ROBO2: variants seen among roughly 807,000 people sequenced by gnomAD.
ROBO2 encodes roundabout homolog 2.
ROBO2 carries 53 observed loss-of-function variants against 160.8 expected under a neutral mutation model. The ratio of observed to expected loss-of-function variants is 0.33; its 90% CI spans 0.26 to 0.41. The LOEUF is 0.41. Among genes scored for constraint, ROBO2 ranks in the 10% least tolerant of loss-of-function variants. The pLI is 1.00. For synonymous variants in ROBO2, 664 were observed against 611.7 expected, an observed-to-expected ratio of 1.09 and a Z score of -1.26; for missense variants, 1,577 against 1,722.4, an observed-to-expected ratio of 0.92 and a Z score of 1.49.
intron 1 of ROBO2, among the ~76,000 whole-genome samples, chr3:77,064,887 A>G (rs1260635831): frequency 6.6e-6 from 1 of 152,158 alleles, no homozygotes; most frequent in African/African-American, 2.4e-5. Flanking sequence ...TCATTTTTTC[A>G]TAAGGTTGAT....
intron 2 of ROBO2, among the ~76,000 whole-genome samples, chr3:75,998,900 A>G (rs891097551): frequency 1.3e-4 from 20 of 152,290 alleles, no homozygotes; most frequent in African/African-American, 4.8e-4. Flanking sequence ...TCATACTCAG[A>G]CTTTAATTGT....
intron 2 of ROBO2, among the ~76,000 whole-genome samples, chr3:77,455,615 A>G (rs1427872319): frequency 3.9e-5 from 6 of 152,044 alleles, no homozygotes; most frequent in African/African-American, 1.2e-4. Context: ...TATTTTTAGT[A>G]GAGATGGGGT....
chr3:77,118,086 T>C (rs898998978), intron 2 of ROBO2, among the ~76,000 whole-genome samples: 1 of 152,208 alleles, frequency 6.6e-6, no homozygotes, highest in Non-Finnish European at 1.5e-5. Flanking sequence ...AATGTGGCAA[T>C]ATTACAGGTT....
At chr3:76,642,207 A>G (rs1356294431) in intron 2 of ROBO2, among the ~76,000 whole-genome samples, 2 of 152,148 alleles carry the variant, frequency 1.3e-5, no homozygotes, top group South Asian at 2.1e-4. Context: ...AAGAATAGAG[A>G]GGTTAATAAA....
intron 2 of ROBO2, among the ~76,000 whole-genome samples, chr3:77,183,581 T>A (rs1392162739): frequency 6.6e-6 from 1 of 152,034 alleles, no homozygotes. Flanking sequence ...CCAACCCTGC[T>A]GACCCCTTGA....
At chr3:76,965,303 G>T (rs75368015) in intron 2 of ROBO2, among the ~76,000 whole-genome samples, 1 of 152,176 alleles carries the variant, frequency 6.6e-6, no homozygotes, top group African/African-American at 2.4e-5. Context: ...CTGTGCTTTC[G>T]CAAGCTGACC....
chr3:76,415,356 T>C (rs1332143928), intron 2 of ROBO2, among the ~76,000 whole-genome samples: 1 of 152,184 alleles, frequency 6.6e-6, no homozygotes, highest in African/African-American at 2.4e-5. Flanking sequence ...TCTGAAAGGC[T>C]CTGAAGAAGG....
At chr3:76,276,761 G>T (rs1433148731) in intron 2 of ROBO2, among the ~76,000 whole-genome samples, 8 of 151,960 alleles carry the variant, frequency 5.3e-5, no homozygotes, top group Non-Finnish European at 1.2e-4. Flanking sequence ...ACAACAAGAA[G>T]TCTATAATAA....
Position 76,638,458 on chromosome 3 carries a change from A to T in ROBO2, c.110-459556A>T, listed in dbSNP as rs911078373. Among the ~76,000 whole-genome samples, 11 of 152,294 alleles carry T rather than the reference A, an allele frequency of 7.2e-5. No homozygotes were observed. In the South Asian group the frequency reaches 8.3e-4, roughly 11 times the overall value. Reference sequence around the variant, plus strand: ...CAGAATATCAAATTAGGCTTTTTTTAAAATTGTTAACATAGAAAAGTAACA... The same window carrying T: ...CAGAATATCAAATTAGGCTTTTTTTTAAATTGTTAACATAGAAAAGTAACA... On this transcript the variant is annotated intron_variant, in intron 2 of 26. Transcript: ENST00000487694.
At chr3:76,851,591 C>T (rs373224646) in intron 2 of ROBO2, among the ~76,000 whole-genome samples, 77 of 149,900 alleles carry the variant, frequency 5.1e-4, no homozygotes, top group African/African-American at 1.8e-3. Flanking sequence ...AAAAATTAGC[C>T]GGGCGCGGTG....
chr3:76,622,012 T>A (rs2089127987), intron 2 of ROBO2, among the ~76,000 whole-genome samples: 2 of 151,608 alleles, frequency 1.3e-5, no homozygotes, highest in Non-Finnish European at 2.9e-5. Flanking sequence ...AAACCATCCC[T>A]TAGTCTCCTT....
At chr3:77,534,489 G>T (rs947185007) in intron 6 of ROBO2, among the ~76,000 whole-genome samples, 3 of 152,080 alleles carry the variant, frequency 2.0e-5, no homozygotes, top group Non-Finnish European at 2.9e-5. Context: ...AAGAAAGTCA[G>T]AATTTTCATA....
chr3:76,367,469 C>A (rs1201892433), intron 2 of ROBO2, among the ~76,000 whole-genome samples: 1 of 151,860 alleles, frequency 6.6e-6, no homozygotes, highest in Non-Finnish European at 1.5e-5. Flanking sequence ...CTAGAGATAA[C>A]CCTGACTCGA....
chr3:77,256,750 G>C (rs1560359390), intron 2 of ROBO2, among the ~76,000 whole-genome samples: 1 of 152,140 alleles, frequency 6.6e-6, no homozygotes, highest in Non-Finnish European at 1.5e-5. Flanking sequence ...GGCTCTCGAG[G>C]AACACCAAAA....
intron 2 of ROBO2, among the ~76,000 whole-genome samples, chr3:76,997,391 A>G (rs988432209): frequency 9.9e-5 from 15 of 152,152 alleles, no homozygotes; most frequent in African/African-American, 3.6e-4. Flanking sequence ...CTTATTGAAC[A>G]GTATAATATG....
At chr3:77,398,017 C>T (rs887818353) in intron 2 of ROBO2, among the ~76,000 whole-genome samples, 5 of 151,944 alleles carry the variant, frequency 3.3e-5, no homozygotes, top group Admixed American at 6.6e-5. Context: ...GTATTGTTTT[C>T]TGAACATGAG....
intron 2 of ROBO2, among the ~76,000 whole-genome samples, chr3:76,099,030 G>T (rs1380717626): frequency 6.6e-6 from 1 of 151,980 alleles, no homozygotes; most frequent in Admixed American, 6.6e-5. Flanking sequence ...GGTGACAGTG[G>T]GCATCTATTT....
intron 2 of ROBO2, among the ~76,000 whole-genome samples, chr3:76,448,935 G>A (rs1253011400): frequency 1.3e-5 from 2 of 152,046 alleles, no homozygotes; most frequent in African/African-American, 4.8e-5. Flanking sequence ...GACCCTAGAA[G>A]AAACAGCAGC....
At chr3:76,471,954 C>A (rs983403035) in intron 2 of ROBO2, among the ~76,000 whole-genome samples, 2 of 152,048 alleles carry the variant, frequency 1.3e-5, no homozygotes, top group African/African-American at 2.4e-5. Context: ...AGTGACCTCC[C>A]ATCAGGTCCC....
Sources: allele counts gnomAD v4.1 joint callset (sites outside exome capture counted in the v4.1 genomes callset), GRCh38; gene constraint gnomAD v4.1.1; transcripts MANE v1.5; gene names NCBI Gene and HGNC (gene_info 2026-07-23, HGNC 2026-07-21).